PIEZO2: variants seen among roughly 807,000 people sequenced by gnomAD.
PIEZO2 encodes piezo-type mechanosensitive ion channel component 2.
In PIEZO2, 172 loss-of-function variants were observed where a neutral mutation model predicts 337.3. The ratio of observed to expected loss-of-function variants is 0.51; its 90% confidence interval spans 0.45 to 0.58. PIEZO2 has a LOEUF of 0.58. Among genes scored for constraint, PIEZO2 ranks in the 20% least tolerant of loss-of-function variants. PIEZO2 has a pLI of 0.00. For synonymous variants in PIEZO2, 1,251 were observed against 1,228.5 expected, an observed-to-expected ratio of 1.02 and a Z score of -0.38; for missense variants, 3,028 against 3,391.3, an observed-to-expected ratio of 0.89 and a Z score of 2.66.
At chr18:11,073,567 C>G (rs1355511536) in intron 1 of PIEZO2, among the ~76,000 whole-genome samples, 1 of 152,092 alleles carries the variant, frequency 6.6e-6, no homozygotes, top group Non-Finnish European at 1.5e-5. Context: ...CAATAGATAA[C>G]TAGTGCACAA....
At chr18:11,013,972 G>A (rs2035993584) in intron 2 of PIEZO2, among the ~76,000 whole-genome samples, 1 of 152,212 alleles carries the variant, frequency 6.6e-6, no homozygotes, top group Admixed American at 6.5e-5. Flanking sequence ...TGAGACGTTA[G>A]AGACCTTGCA....
intron 1 of PIEZO2, among the ~76,000 whole-genome samples, chr18:11,118,551 T>TAAC (rs2039950188): frequency 1.3e-5 from 2 of 152,192 alleles, no homozygotes; most frequent in Admixed American, 6.5e-5. Flanking sequence ...GAATGTTTCA[T>TAAC]AACAGAAATA....
rs537801191 is a variant in PIEZO2 at position 10,820,013 on chromosome 18, G to T, written c.918-12739C>A. Among the ~76,000 whole-genome samples, 46 of 152,152 alleles carry T rather than the reference G, an allele frequency of 3.0e-4. 1 individual carries two copies. Among genetic ancestry groups the T allele is most frequent in the Admixed American group, 9.2e-4 (14 of 15,280 alleles). On this transcript the variant is annotated intron_variant, in intron 7 of 55. Transcript: ENST00000674853. ...ATGTTATCCTATTGCTTTTTGAATGGCATTCATTTCTGGTGAGAAGAGTGT... is the reference window on the plus strand; with the variant it reads ...ATGTTATCCTATTGCTTTTTGAATGTCATTCATTTCTGGTGAGAAGAGTGT...
chr18:11,110,034 T>C lies in PIEZO2; in HGVS notation c.64+38491A>G, dbSNP rs1031519385. ...TCTTCCATTTCCATCTTTATCTCCATGGTGGGTGGACAATGACAGGTTCAG... is the reference window on the plus strand; with the variant it reads ...TCTTCCATTTCCATCTTTATCTCCACGGTGGGTGGACAATGACAGGTTCAG... On this transcript the variant is annotated intron_variant, in intron 1 of 55. Coordinates refer to ENST00000674853, the MANE Select transcript of PIEZO2 (RefSeq NM_001378183.1). The surrounding 1 kb of genome is among the most constrained non-coding windows in gnomAD (Gnocchi z 4.2). Among the ~76,000 whole-genome samples, 1 of 152,170 alleles carries C rather than the reference T, an allele frequency of 6.6e-6. No homozygotes were observed. The highest frequency in any genetic ancestry group is 1.9e-4 in the East Asian group (1 of 5,192).
chr18:10,823,602 A>C (rs2040583853), intron 7 of PIEZO2, among the ~76,000 whole-genome samples: 1 of 152,226 alleles, frequency 6.6e-6, no homozygotes, highest in Non-Finnish European at 1.5e-5. Context: ...ATCTTCAAAT[A>C]TGGCCTTCCT....
chr18:10,980,732 A>C lies in PIEZO2; in HGVS notation c.161-1072T>G, dbSNP rs141314613. Among the ~76,000 whole-genome samples the C allele has an allele frequency of 1.3e-5, 2 of 152,368 alleles. No individual in the cohort carries two copies. The highest frequency in any genetic ancestry group is 3.9e-4 in the East Asian group (2 of 5,192). On this transcript the variant is annotated intron_variant, in intron 2 of 55. Coordinates refer to ENST00000674853, the MANE Select transcript of PIEZO2 (RefSeq NM_001378183.1). This position sits in a 1 kb window ranked among gnomAD's most constrained non-coding sequence, Gnocchi z 4.8. The stretch of plus-strand genomic sequence containing the variant: ...ACATACCTCTTCATTAACAATAATC[A>C]AAAAGAAATAAGATGCAATTTTATT...
chr18:11,044,228 C>T (rs1392334328), intron 2 of PIEZO2, among the ~76,000 whole-genome samples: 2 of 149,988 alleles, frequency 1.3e-5, no homozygotes, highest in Non-Finnish European at 3.0e-5. Flanking sequence ...TTAAATAATA[C>T]TACCTCAGGA....
Position 10,815,103 on chromosome 18 carries a change from C to T in PIEZO2, c.918-7829G>A, listed in dbSNP as rs2040322772. On this transcript the variant is annotated intron_variant, in intron 7 of 55. Coordinates refer to ENST00000674853, the MANE Select transcript of PIEZO2 (RefSeq NM_001378183.1). This position sits in a 1 kb window ranked among gnomAD's most constrained non-coding sequence, Gnocchi z 4.1. ...TAATTAACTTTTCTTTTTCTTCCAT[C>T]CCCTACCGACCCTTTCCCCACTCTA... Among the ~76,000 whole-genome samples the T allele has an allele frequency of 4.6e-5, 7 of 152,290 alleles. No homozygotes were observed. In the South Asian group the frequency reaches 1.5e-3, roughly 32 times the overall value.
chr18:10,994,667 C>T (rs1235269308), intron 2 of PIEZO2, among the ~76,000 whole-genome samples: 2 of 151,856 alleles, frequency 1.3e-5, no homozygotes, highest in Admixed American at 1.3e-4. Context: ...CTCAGCCTCC[C>T]AAAGTGCTGG....
chr18:10,715,950 A>G, intron 37 of PIEZO2, 134 bp from the exon 38 acceptor site: 2 of 706,538 alleles, frequency 2.8e-6, no homozygotes, highest in Non-Finnish European at 4.6e-6. Flanking sequence ...TGTGACTCAG[A>G]TACTCATGAC....
chr18:10,782,038 G>A (rs1405788926), intron 17 of PIEZO2, among the ~76,000 whole-genome samples: 1 of 149,768 alleles, frequency 6.7e-6, no homozygotes, highest in Non-Finnish European at 1.5e-5. Flanking sequence ...TATGAGCAAG[G>A]AAAATACTCC....
At chr18:10,774,316 T>G (rs2038711436) in intron 18 of PIEZO2, among the ~76,000 whole-genome samples, 2 of 152,228 alleles carry the variant, frequency 1.3e-5, no homozygotes, top group Admixed American at 1.3e-4. Flanking sequence ...TATATCATGC[T>G]TTTTTAGTAA....
intron 33 of PIEZO2, 164 bp downstream of exon 33, chr18:10,740,867 C>T (rs1488933562): frequency 8.1e-6 from 6 of 738,248 alleles, no homozygotes; most frequent in South Asian, 3.0e-5. Flanking sequence ...GGACCCCGGG[C>T]TCAAAGACCC....
chr18:11,033,592 G>T lies in PIEZO2; in HGVS notation c.160+32535C>A, dbSNP rs111402439. On this transcript the variant is annotated intron_variant, in intron 2 of 55. Transcript: ENST00000674853. This position sits in a 1 kb window ranked among gnomAD's most constrained non-coding sequence, Gnocchi z 4.2. ...CTGGAAAACTTCTCTGATGCTGAAT[G>T]TCAAAATACTGCATTTCACTGAAAA... Among the ~76,000 whole-genome samples the T allele has an allele frequency of 6.6e-6, 1 of 152,184 alleles. No individual in the cohort carries two copies. The highest frequency in any genetic ancestry group is 1.5e-5 in the Non-Finnish European group (1 of 68,024).
In PIEZO2 at chr18:10,837,998, C is replaced by T. The variant is rs140613839; in HGVS notation, c.917+17355G>A. On this transcript the variant is annotated intron_variant, in intron 7 of 55. Coordinates refer to ENST00000674853, the MANE Select transcript of PIEZO2 (RefSeq NM_001378183.1). The surrounding 1 kb of genome is among the most constrained non-coding windows in gnomAD (Gnocchi z 4.4). ...AACTCCTGATCGCAGGTGATCTGTC[C>T]GCCTCGGCCTCCCAAAGTTCTGTGT... 4.3e-4 allele frequency among the ~76,000 whole-genome samples: 65 copies of T among 152,088 alleles called. No homozygotes were observed. The highest frequency in any genetic ancestry group is 1.4e-3 in the African/African-American group (60 of 41,488).
Position 11,113,706 on chromosome 18 carries a change from C to T in PIEZO2, c.64+34819G>A, listed in dbSNP as rs891218947. On this transcript the variant is annotated intron_variant, in intron 1 of 55. Coordinates refer to ENST00000674853, the MANE Select transcript of PIEZO2 (RefSeq NM_001378183.1). ...TTCATTTTTTATTTGACAAAAGGAA[C>T]TACTCAAATATTAGCAAGTAAGTCA... 2.0e-5 allele frequency among the ~76,000 whole-genome samples: 3 copies of T among 152,206 alleles called. No homozygotes were observed. In the East Asian group the frequency reaches 5.8e-4, roughly 29 times the overall value.
At position 10,794,792 on chromosome 18, in the gene PIEZO2, G is replaced by A; in HGVS notation, c.1738C>T (p.Pro580Ser). Residue 580 changes from proline (P) to serine (S), a missense_variant, in exon 13 of 56, where the codon CCA (proline) becomes TCA (serine). Coordinates refer to ENST00000674853, the MANE Select transcript of PIEZO2 (RefSeq NM_001378183.1). The surrounding 1 kb of genome is among the most constrained non-coding windows in gnomAD (Gnocchi z 6.6). ...CTTACTTTGGAAGCAAGTTCTCCTG[G>A]CTCTTTCTTTTCTAAAAATCCTGGA... is the stretch of plus-strand genomic sequence containing the variant. The part of the protein sequence containing the change: ...KVPGFLEKKE[P>S]GELASKILFT... 1.3e-6 allele frequency: 2 copies of A among 1,533,484 alleles called. No individual in the cohort carries two copies. Among genetic ancestry groups the A allele is most frequent in the Non-Finnish European group, 1.7e-6 (2 of 1,144,906 alleles). 95.0% of individuals were successfully genotyped at this position (1,533,484 alleles called of 1,614,324 possible). A position where few individuals can be genotyped will look rare whatever the true frequency, so the allele number is the denominator to read the frequency against.
chr18:10,830,884 A>T lies in PIEZO2; in HGVS notation c.918-23610T>A, dbSNP rs2040824370. On this transcript the variant is annotated intron_variant, in intron 7 of 55. Transcript: ENST00000674853. This position sits in a 1 kb window ranked among gnomAD's most constrained non-coding sequence, Gnocchi z 4.7. The stretch of plus-strand genomic sequence containing the variant: ...AAATTTGGTCAAGATCTGAATAGAC[A>T]TGTCTCAAAAGAAGACATACAAATG... Among the ~76,000 whole-genome samples the T allele has an allele frequency of 6.6e-6, 1 of 152,264 alleles. No homozygotes were observed. Among genetic ancestry groups the T allele is most frequent in the Non-Finnish European group, 1.5e-5 (1 of 68,040 alleles).
intron 2 of PIEZO2, among the ~76,000 whole-genome samples, chr18:11,018,382 CGT>C (rs376013388): frequency 0.12 from 13,716 of 113,754 alleles, 796 homozygotes; most frequent in South Asian, 0.15. Flanking sequence ...CCCAACATGT[CGT>C]GTGTGTGTGT....
Sources: allele counts gnomAD v4.1 joint callset (sites outside exome capture counted in the v4.1 genomes callset), GRCh38; gene constraint gnomAD v4.1.1; non-coding constraint Gnocchi (gnomAD v3.1); transcripts MANE v1.5; gene names NCBI Gene and HGNC (gene_info 2026-07-23, HGNC 2026-07-21).